The following ARHGAP29 variants were observed in gnomAD, a reference collection of about 807,000 sequenced individuals.
ARHGAP29 encodes the protein rho GTPase-activating protein 29.
In ARHGAP29, 43 loss-of-function variants were observed where a neutral mutation model predicts 122.6. That is an observed-to-expected ratio of 0.35 (90% CI 0.27 to 0.45). The LOEUF (loss-of-function observed/expected upper bound fraction) is 0.45. ARHGAP29 is among the 20% of genes least tolerant of loss of function. The probability of loss-of-function intolerance (pLI) is 1.00; values close to 1 mark genes in which losing one functional copy is unlikely to be tolerated. For synonymous variants in ARHGAP29, 506 were observed against 497.1 expected (o/e 1.02, Z -0.24); for missense variants, 1,303 against 1,477.2 (o/e 0.88, Z 1.93).
chr1:94,176,622 T>TC (rs1373653719), intron 22 of ARHGAP29: 2 of 152,240 alleles, frequency 1.3e-5, no homozygotes, highest in Admixed American at 1.3e-4. Context: ...CTTTTTTTTT[T>TC]CTTTGAGATG....
chr1:94,197,311 A>G (rs1158719772), intron 12 of ARHGAP29, among the ~76,000 whole-genome samples: 1 of 152,284 alleles, frequency 6.6e-6, no homozygotes, highest in African/African-American at 2.4e-5. Context: ...AAAATCACCT[A>G]AGAAGAAATA....
intron 19 of ARHGAP29, among the ~76,000 whole-genome samples, chr1:94,181,198 C>T (rs1021819390): frequency 1.3e-4 from 20 of 152,162 alleles, no homozygotes; most frequent in African/African-American, 4.8e-4. Flanking sequence ...TGTGAACCAA[C>T]ATGACTGACA....
intron 1 of ARHGAP29, among the ~76,000 whole-genome samples, chr1:94,251,014 T>C (rs949570932): frequency 2.0e-5 from 3 of 152,306 alleles, no homozygotes; most frequent in African/African-American, 4.8e-5. Flanking sequence ...AAAAAGATTA[T>C]GGTGGTAGTA....
chr1:94,272,561 T>C (rs1179775328), intron 1 of ARHGAP29, among the ~76,000 whole-genome samples: 1 of 152,202 alleles, frequency 6.6e-6, no homozygotes, highest in African/African-American at 2.4e-5. Flanking sequence ...TCCAAGCCAG[T>C]GATTGAAATG....
chr1:94,310,796 G>A, the ARHGAP29 span, among the ~76,000 whole-genome samples: 1 of 151,992 alleles, frequency 6.6e-6, no homozygotes, highest in Non-Finnish European at 1.5e-5. Context: ...GGGCAGGAGA[G>A]GGGGAGTCAA....
At chr1:94,258,784 C>G (rs1474893396) in intron 1 of ARHGAP29, among the ~76,000 whole-genome samples, 1 of 152,170 alleles carries the variant, frequency 6.6e-6, no homozygotes, top group East Asian at 1.9e-4. Context: ...ATTGCTCTAA[C>G]GAGGAAATTG....
intron 16 of ARHGAP29, among the ~76,000 whole-genome samples, chr1:94,185,800 G>C (rs1054795902): frequency 1.3e-5 from 2 of 152,150 alleles, no homozygotes; most frequent in African/African-American, 4.8e-5. Context: ...GAGCTGGGAA[G>C]TGTGTTCATA....
chr1:94,200,155 C>T (rs1650749672), intron 12 of ARHGAP29, among the ~76,000 whole-genome samples: 1 of 152,110 alleles, frequency 6.6e-6, no homozygotes, highest in East Asian at 1.9e-4. Context: ...AAATTAAAAC[C>T]TCTTTCTCCC....
At chr1:94,271,741 A>G (rs1162533048) in intron 1 of ARHGAP29, among the ~76,000 whole-genome samples, 1 of 152,134 alleles carries the variant, frequency 6.6e-6, no homozygotes, top group African/African-American at 2.4e-5. Context: ...AGTCTCACTC[A>G]CCATTACTCT....
chr1:94,242,184 G>A (rs1293207445), upstream of ARHGAP29, among the ~76,000 whole-genome samples: 2 of 152,100 alleles, frequency 1.3e-5, no homozygotes, highest in Non-Finnish European at 2.9e-5. Context: ...ATAGATGGAC[G>A]ATTCCCAGGT....
intron 1 of ARHGAP29, among the ~76,000 whole-genome samples, chr1:94,262,066 A>G (rs1194812440): frequency 1.3e-5 from 2 of 152,208 alleles, no homozygotes; most frequent in African/African-American, 2.4e-5. Context: ...ACATAGACCA[A>G]TGGAACAAAC....
At chr1:94,203,682 C>T (rs1249710859) in intron 8 of ARHGAP29, among the ~76,000 whole-genome samples, 1 of 152,036 alleles carries the variant, frequency 6.6e-6, no homozygotes, top group African/African-American at 2.4e-5. Flanking sequence ...TTGCAGTGAG[C>T]TGAGATCACG....
chr1:94,188,095 G>A (rs927616939), intron 15 of ARHGAP29, among the ~76,000 whole-genome samples: 25 of 152,190 alleles, frequency 1.6e-4, no homozygotes, highest in African/African-American at 5.3e-4. Context: ...CTTTGGTAGA[G>A]GTGTAAAGAC....
intron 1 of ARHGAP29, among the ~76,000 whole-genome samples, chr1:94,270,965 T>C (rs1488006008): frequency 6.6e-6 from 1 of 152,246 alleles, no homozygotes; most frequent in East Asian, 1.9e-4. Flanking sequence ...TCACTGTTCC[T>C]GTGGGTTAGA....
intron 3 of ARHGAP29, among the ~76,000 whole-genome samples, chr1:94,213,429 G>T (rs547520683): frequency 1.3e-5 from 2 of 152,210 alleles, no homozygotes; most frequent in South Asian, 2.1e-4. Context: ...TGATCTGCCC[G>T]CCTCGGCCTG....
intron 12 of ARHGAP29, chr1:94,195,764 T>C (rs1432282976): frequency 1.3e-5 from 2 of 152,040 alleles, no homozygotes; most frequent in Admixed American, 6.6e-5. Context: ...TAATGCTATA[T>C]AAGAAACTCA....
the ARHGAP29 span, among the ~76,000 whole-genome samples, chr1:94,296,331 A>ACTCTTATTT: frequency 6.6e-6 from 1 of 152,052 alleles, no homozygotes; most frequent in Admixed American, 6.5e-5. Context: ...TGTTCAAGTC[A>ACTCTTATTT]CTCTTATTTC....
At position 94,266,778 on chromosome 1, in the gene ARHGAP29, A is replaced by G. The variant is rs75794232; in HGVS notation, c.-33+8234T>C. Among the ~76,000 whole-genome samples, 1,504 of 152,302 alleles carry G rather than the reference A, an allele frequency of 9.9e-3. 23 individuals are homozygous for G. Among genetic ancestry groups the G allele is most frequent in the African/African-American group, 0.033 (1,389 of 41,562 alleles). On this transcript the variant is annotated intron_variant and NMD_transcript_variant, in intron 1 of 25. Coordinates refer to the ARHGAP29 transcript ENST00000552844. ...AAGTTTTCCATCCTAAGTGACTTGA[A>G]TCAAACTTTCTGATTGCCTTCACGT...
At chr1:94,183,204 A>AT (rs11342358) in intron 19 of ARHGAP29, among the ~76,000 whole-genome samples, 22 of 136,830 alleles carry the variant, frequency 1.6e-4, no homozygotes, top group Admixed American at 4.5e-4. Context: ...ATTAAAAAAA[A>AT]TTTTTTTTTT....
Sources: allele counts gnomAD v4.1 joint callset (sites outside exome capture counted in the v4.1 genomes callset), GRCh38; gene constraint gnomAD v4.1.1; transcripts MANE v1.5; gene names NCBI Gene and HGNC (gene_info 2026-07-23, HGNC 2026-07-21).